The following EFCC1 variants were observed in gnomAD, a reference collection of about 807,000 sequenced individuals.
The protein encoded by EFCC1 is EF-hand and coiled-coil domain-containing protein 1.
Under a neutral mutation model 52.1 loss-of-function variants are expected in EFCC1, and 50 were observed. That is an observed-to-expected ratio of 0.96 (90% CI 0.76 to 1.21). The LOEUF (loss-of-function observed/expected upper bound fraction) is 1.21, where lower values mean the gene tolerates loss of function less well. EFCC1 is among the 50% of genes most tolerant of loss of function. The pLI is 0.00. For synonymous variants in EFCC1, 399 were observed against 396.5 expected, an observed-to-expected ratio of 1.01 and a Z score of -0.08; for missense variants, 837 against 867.3, an observed-to-expected ratio of 0.97 and a Z score of 0.44.
At position 129,004,433 on chromosome 3, in the gene EFCC1, A is replaced by G. The variant is rs557515292; in HGVS notation, c.980+356A>G. ...CACTCACCCATTCATCCATCCACCT[A>G]TCCACTCACCTACCCACCCGTCCAT... On this transcript the variant is annotated intron_variant, in intron 2 of 7. Coordinates refer to ENST00000683648, the MANE Select transcript of EFCC1 (RefSeq NM_001377500.1). Among the ~76,000 whole-genome samples, 152 of 117,236 alleles carry G rather than the reference A, an allele frequency of 1.3e-3. 1 individual carries two copies. The highest frequency in any genetic ancestry group is 4.9e-3 in the African/African-American group (149 of 30,222). 76.9% of individuals were successfully genotyped at this position (117,236 alleles called of 152,430 possible).
chr3:129,022,182 C>CA (rs1945881878), intron 2 of EFCC1, among the ~76,000 whole-genome samples: 1 of 152,196 alleles, frequency 6.6e-6, no homozygotes, highest in Non-Finnish European at 1.5e-5. Flanking sequence ...AGGAGCTCCA[C>CA]AAAGTTTAGA....
chr3:129,031,167 C>T (rs1324610171), intron 3 of EFCC1, among the ~76,000 whole-genome samples: 4 of 152,316 alleles, frequency 2.6e-5, no homozygotes, highest in East Asian at 1.9e-4. Flanking sequence ...TGGTAGCTCA[C>T]GCCTGTGATC....
At chr3:129,039,607 G>A in intron 7 of EFCC1, 105 bp from the exon 8 acceptor site, 17 of 1,485,252 alleles carry the variant, frequency 1.1e-5, no homozygotes, top group Non-Finnish European at 1.4e-5. Context: ...CTGGGGAGGG[G>A]CACAGCGGGT....
intron 2 of EFCC1, among the ~76,000 whole-genome samples, chr3:129,020,547 G>A (rs1945791576): frequency 1.3e-5 from 2 of 152,204 alleles, no homozygotes; most frequent in South Asian, 4.1e-4. Flanking sequence ...TGAGGTGGGA[G>A]GATCACTTGA....
In EFCC1 at chr3:129,001,557, G is replaced by A; in HGVS notation, c.-72G>A. On this transcript the variant is annotated 5_prime_UTR_variant, in exon 1 of 8. Coordinates refer to ENST00000683648, the MANE Select transcript of EFCC1 (RefSeq NM_001377500.1). The stretch of plus-strand genomic sequence containing the variant: ...AAGCCCCTCCTTTCGAGAAACTCTG[G>A]GGCCGCCCCTGGAAGTGGCGGGGCG... The A allele has an allele frequency of 7.4e-7, 1 of 1,347,974 alleles. No individual in the cohort carries two copies. Among genetic ancestry groups the A allele is most frequent in the Non-Finnish European group, 9.5e-7 (1 of 1,055,994 alleles). 83.5% of individuals were successfully genotyped at this position (1,347,974 alleles called of 1,614,324 possible).
At chr3:129,004,192 CGT>C (rs1361560437) in intron 2 of EFCC1, 115 bp downstream of exon 2, 3 of 1,220,664 alleles carry the variant, frequency 2.5e-6, no homozygotes, top group Non-Finnish European at 3.2e-6. Flanking sequence ...TTTCTCCATG[CGT>C]TTATTCATGT....
chr3:129,030,729 C>T lies in EFCC1; in HGVS notation c.1007C>T (p.Pro336Leu), dbSNP rs201241847. The part of the protein sequence containing the change: ...YRSEDSQLPT[P>L]QLANPEPGDK... Reference sequence around the variant, plus strand: ...TCAGAGGATTCCCAGCTCCCAACCCCGCAGCTAGCCAACCCAGAGCCAGGA... The same window carrying T: ...TCAGAGGATTCCCAGCTCCCAACCCTGCAGCTAGCCAACCCAGAGCCAGGA... Residue 336 changes from proline (P) to leucine (L), a missense_variant, in exon 3 of 8, where the codon CCG becomes CTG. Physicochemically the swap from Pro to Leu is moderately conservative, Grantham distance 98 (BLOSUM62 -3). Coordinates refer to ENST00000683648, the MANE Select transcript of EFCC1 (RefSeq NM_001377500.1). 724 of 1,551,586 alleles carry T rather than the reference C, an allele frequency of 4.7e-4. No homozygotes were observed. Among genetic ancestry groups the T allele is most frequent in the Admixed American group, 7.3e-4 (37 of 51,000 alleles).
intron 2 of EFCC1, among the ~76,000 whole-genome samples, chr3:129,005,207 C>T (rs1340035166): frequency 1.3e-5 from 2 of 152,226 alleles, no homozygotes; most frequent in Non-Finnish European, 2.9e-5. Context: ...GAGACCTTCA[C>T]AGGAACAGAT....
intron 5 of EFCC1, among the ~76,000 whole-genome samples, chr3:129,035,712 C>A (rs576359735): frequency 1.0e-3 from 158 of 152,288 alleles, no homozygotes; most frequent in African/African-American, 3.7e-3. Context: ...GATAGGGCCA[C>A]CCCTCACTTA....
At chr3:129,006,811 G>A (rs923859905) in intron 2 of EFCC1, among the ~76,000 whole-genome samples, 4 of 152,102 alleles carry the variant, frequency 2.6e-5, no homozygotes, top group Admixed American at 6.5e-5. Flanking sequence ...TACCTTGCCC[G>A]GGGGGCTGAC....
In EFCC1 at chr3:129,001,790, C is replaced by T; in HGVS notation, c.162C>T (p.Gly54=). Residue 54 remains glycine (G), a synonymous_variant, in exon 1 of 8, where the codon GGC becomes GGT. Coordinates refer to ENST00000683648, the MANE Select transcript of EFCC1 (RefSeq NM_001377500.1). ...VENEIVVLAT[G]LDQYLQEVFH... The stretch of plus-strand genomic sequence containing the variant: ...ACGAGATCGTGGTGCTGGCCACCGG[C>T]CTGGACCAGTACCTGCAGGAGGTCT... 1 of 1,544,616 alleles carries T rather than the reference C, an allele frequency of 6.5e-7. No individual in the cohort carries two copies. Among genetic ancestry groups the T allele is most frequent in the African/African-American group, 1.4e-5 (1 of 72,596 alleles).
chr3:129,002,150 C>A lies in EFCC1; in HGVS notation c.522C>A (p.Ile174=). ...GALSEHIETQ[I]RLRRPRRRRR... ...TCAGCGAGCACATCGAGACGCAGAT[C>A]CGCCTGCGCCGTCCGCGCCGCCGCC... The change falls in exon 1 of 8, where the codon ATC becomes ATA. Residue 174 remains isoleucine (I), a synonymous_variant. Transcript: ENST00000683648. 1 of 1,457,672 alleles carries A rather than the reference C, an allele frequency of 6.9e-7. No homozygotes were observed. The highest frequency in any genetic ancestry group is 9.0e-7 in the Non-Finnish European group (1 of 1,115,836). The allele number at this position is 1,457,672 out of a possible 1,614,324, so 90.3% of individuals were successfully genotyped here.
Position 129,003,948 on chromosome 3 carries a change from G to A in EFCC1, c.851G>A (p.Arg284His), listed in dbSNP as rs1490064353. 1.1e-5 allele frequency: 15 copies of A among 1,414,032 alleles called. No homozygotes were observed. In the South Asian group the frequency reaches 1.2e-4, roughly 11 times the overall value. The allele number at this position is 1,414,032 out of a possible 1,614,324, so 87.6% of individuals were successfully genotyped here. ...LRRGQAEVRR[R>H]AEEARQVVLR... ...CGTGGCCAGGCCGAGGTGCGGCGGC[G>A]CGCGGAGGAGGCCCGGCAGGTGGTG... is the stretch of plus-strand genomic sequence containing the variant. The change falls in exon 2 of 8, where the codon CGC (arginine) becomes CAC (histidine). Residue 284 changes from arginine (R) to histidine (H), a missense_variant. By Grantham distance (29) the Arg-to-His change is conservative. Coordinates refer to ENST00000683648, the MANE Select transcript of EFCC1 (RefSeq NM_001377500.1).
At chr3:129,027,269 C>A (rs1366566795) in intron 2 of EFCC1, among the ~76,000 whole-genome samples, 1 of 152,176 alleles carries the variant, frequency 6.6e-6, no homozygotes, top group South Asian at 2.1e-4. Context: ...CGGCGGTGCT[C>A]GCAGCCGAGG....
At chr3:129,030,881 G>A in intron 3 of EFCC1, 21 bp downstream of exon 3, 1 of 1,541,038 alleles carries the variant, frequency 6.5e-7, no homozygotes. Flanking sequence ...TGTGCGCCCA[G>A]TCTTCCTGCC....
At chr3:129,027,940 C>A (rs1946173802) in intron 2 of EFCC1, among the ~76,000 whole-genome samples, 1 of 151,802 alleles carries the variant, frequency 6.6e-6, no homozygotes, top group Non-Finnish European at 1.5e-5. Flanking sequence ...AGTGACAGAG[C>A]AGGACTCAAT....
In EFCC1 at chr3:129,032,813, C is replaced by T. The variant is rs773846962; in HGVS notation, c.1139-6C>T. On this transcript the variant is annotated splice_polypyrimidine_tract_variant and splice_region_variant and intron_variant, in intron 3 of 7. Coordinates refer to ENST00000683648, the MANE Select transcript of EFCC1 (RefSeq NM_001377500.1). ...TCCTGCATCCCCACATCCTGTGCTT[C>T]CCCAGCAGTGGACGAGCAGCTGTTC... The T allele has an allele frequency of 8.4e-6, 13 of 1,550,794 alleles. No homozygotes were observed. In the South Asian group the frequency reaches 1.5e-4, roughly 18 times the overall value.
chr3:129,008,459 G>T (rs1402812094), intron 2 of EFCC1, among the ~76,000 whole-genome samples: 1 of 152,224 alleles, frequency 6.6e-6, no homozygotes, highest in Non-Finnish European at 1.5e-5. Flanking sequence ...ATTTGTAGAT[G>T]GAAGAGGGGC....
At chr3:129,013,420 C>T (rs560147213) in intron 2 of EFCC1, among the ~76,000 whole-genome samples, 1 of 152,296 alleles carries the variant, frequency 6.6e-6, no homozygotes, top group Admixed American at 6.5e-5. Context: ...TAGCTTCAGG[C>T]ATGGCTAGAT....
Sources: gnomAD v4.1 joint callset for allele counts (sites outside exome capture counted in the v4.1 genomes callset) on GRCh38, gnomAD v4.1.1 for gene constraint, MANE v1.5 for transcripts, NCBI Gene and HGNC (gene_info 2026-07-23, HGNC 2026-07-21) for gene names.